SCAMP1: variants seen among roughly 807,000 people sequenced by gnomAD.
SCAMP1 encodes secretory carrier membrane protein 1.
Under a neutral mutation model 41.8 loss-of-function variants are expected in SCAMP1, and 15 were observed. The ratio of observed to expected loss-of-function variants is 0.36; its 90% CI spans 0.24 to 0.55. The LOEUF (loss-of-function observed/expected upper bound fraction) is 0.55, where lower values mean the gene tolerates loss of function less well. SCAMP1 is among the 20% of genes least tolerant of loss of function. The pLI is 0.86. For synonymous variants in SCAMP1, 135 were observed against 136.8 expected (o/e 0.99, Z 0.09); for missense variants, 341 against 412.6 (o/e 0.83, Z 1.50).
rs147772028 is a variant in SCAMP1, at chr5:78,402,403, T to A, written c.136-13117T>A. ...CTTGCCTGCTAGATCGGTCCGTTTCTGATTTGAGGGGTGTTTGAGTCTACA... is the reference window on the plus strand; with the variant it reads ...CTTGCCTGCTAGATCGGTCCGTTTCAGATTTGAGGGGTGTTTGAGTCTACA... On this transcript the variant is annotated intron_variant, in intron 2 of 8. Transcript: ENST00000621999. 3.3e-5 allele frequency among the ~76,000 whole-genome samples: 5 copies of A among 152,294 alleles called. No individual in the cohort carries two copies. The East Asian group carries it at 7.7e-4, about 24-fold the overall frequency.
At chr5:78,468,007 A>T (rs1186889473) in intron 8 of SCAMP1, among the ~76,000 whole-genome samples, 3 of 152,186 alleles carry the variant, frequency 2.0e-5, no homozygotes, top group South Asian at 4.1e-4. Flanking sequence ...TTGACTCTAG[A>T]ATTGTTGGGT....
chr5:78,439,683 A>G lies in SCAMP1; in HGVS notation c.633-10250A>G, dbSNP rs1377503550. On this transcript the variant is annotated intron_variant, in intron 6 of 8. Coordinates refer to ENST00000621999, the MANE Select transcript of SCAMP1 (RefSeq NM_004866.6). ...CATTTCAGCCTTGGTGAATCTGACA[A>G]TAATGTGTCTTGGAGTTGCTCTTCT... 3.3e-5 allele frequency among the ~76,000 whole-genome samples: 5 copies of G among 152,274 alleles called. No homozygotes were observed. In the East Asian group the frequency reaches 9.6e-4, roughly 29 times the overall value.
rs545402584 is a variant in SCAMP1, at chr5:78,363,828, C to T, written c.57+3100C>T. ...ATTCAGTTCATTTTTTTTTGTTGAG[C>T]CCCTGCTTTATATTCTAGTGGTTTT... On this transcript the variant is annotated intron_variant, in intron 1 of 8. Transcript: ENST00000621999. Among the ~76,000 whole-genome samples the T allele has an allele frequency of 4.8e-4, 73 of 151,912 alleles. 1 individual carries two copies. In the South Asian group the frequency reaches 0.012, roughly 25 times the overall value.
At chr5:78,366,015 G>A (rs1750786089) in intron 1 of SCAMP1, among the ~76,000 whole-genome samples, 2 of 152,126 alleles carry the variant, frequency 1.3e-5, no homozygotes, top group South Asian at 4.1e-4. Context: ...AACTCTGGAG[G>A]CTAGGAAGTC....
rs1371706787 is a variant in SCAMP1 at position 78,470,147 on chromosome 5, GTGTAT to G, written c.853-5350_853-5346del. The stretch of plus-strand genomic sequence containing the variant: ...AAAGTATACAATTTAATGGCTTTTG[GTGTAT>G]TGTATTTGTTTTAATTGTGGCAAAA... On this transcript the variant is annotated intron_variant, in intron 8 of 8. Transcript: ENST00000621999. Among the ~76,000 whole-genome samples the G allele has an allele frequency of 3.3e-5, 5 of 152,036 alleles. No individual in the cohort carries two copies. In the East Asian group the frequency reaches 9.7e-4, roughly 29 times the overall value.
chr5:78,363,775 T>G (rs1028954365), intron 1 of SCAMP1, among the ~76,000 whole-genome samples: 7 of 152,236 alleles, frequency 4.6e-5, no homozygotes, highest in Admixed American at 1.3e-4. Context: ...TACTTGATTT[T>G]ATTGGTTCTT....
In SCAMP1 at chr5:78,374,900, C is replaced by G. The variant is rs377491707; in HGVS notation, c.58-13937C>G. 2.6e-5 allele frequency among the ~76,000 whole-genome samples: 4 copies of G among 152,080 alleles called. No homozygotes were observed. In the South Asian group the frequency reaches 8.3e-4, roughly 31 times the overall value. ...AATAATTCCTAGTGATTATTAAGCA[C>G]GTATCACAGTTATAAAAGTTTCGCT... On this transcript the variant is annotated intron_variant, in intron 1 of 8. Coordinates refer to ENST00000621999, the MANE Select transcript of SCAMP1 (RefSeq NM_004866.6).
At chr5:78,460,062 C>G (rs1040264430) in intron 8 of SCAMP1, among the ~76,000 whole-genome samples, 2 of 152,152 alleles carry the variant, frequency 1.3e-5, no homozygotes, top group Non-Finnish European at 2.9e-5. Flanking sequence ...GCAGCTGCAT[C>G]TATGTTGCTA....
At chr5:78,435,915 A>G (rs558856577) in intron 6 of SCAMP1, among the ~76,000 whole-genome samples, 315 of 152,296 alleles carry the variant, frequency 2.1e-3, no homozygotes, top group Non-Finnish European at 3.3e-3. Context: ...AATGATTGCC[A>G]TTCTAACTGG....
intron 2 of SCAMP1, among the ~76,000 whole-genome samples, chr5:78,392,415 A>T: frequency 6.6e-6 from 1 of 152,210 alleles, no homozygotes; most frequent in East Asian, 1.9e-4. Flanking sequence ...ATCTTTGGAG[A>T]TAGTTGCTTA....
intron 6 of SCAMP1, among the ~76,000 whole-genome samples, chr5:78,440,589 C>G (rs1029679111): frequency 2.0e-5 from 3 of 152,274 alleles, no homozygotes; most frequent in Admixed American, 2.0e-4. Context: ...CAGAGGTGCA[C>G]CTGGCCGTAT....
intron 1 of SCAMP1, among the ~76,000 whole-genome samples, chr5:78,374,553 A>G (rs1216788951): frequency 6.6e-6 from 1 of 152,134 alleles, no homozygotes; most frequent in Non-Finnish European, 1.5e-5. Context: ...GTAAGCTAAG[A>G]AACTAGAATT....
intron 6 of SCAMP1, among the ~76,000 whole-genome samples, chr5:78,441,542 G>A (rs546473802): frequency 3.3e-5 from 5 of 152,322 alleles, no homozygotes; most frequent in South Asian, 4.1e-4. Flanking sequence ...GTCAGGGCAC[G>A]CTGGCCCATG....
At chr5:78,459,188 T>A (rs1580713718) in intron 7 of SCAMP1, 57 bp from the exon 8 acceptor site, 3 of 796,772 alleles carry the variant, frequency 3.8e-6, no homozygotes, top group Admixed American at 2.0e-5. Context: ...GATATTATGC[T>A]ATTTTTAAAA....
At position 78,480,351 on chromosome 5, in the gene SCAMP1, AATACC is replaced by A. The variant is rs754305344; in HGVS notation, c.*4688_*4692del. 6.6e-5 allele frequency among the ~76,000 whole-genome samples: 10 copies of A among 152,258 alleles called. No homozygotes were observed. Among genetic ancestry groups the A allele is most frequent in the Non-Finnish European group, 8.8e-5 (6 of 68,038 alleles). On this transcript the variant is annotated 3_prime_UTR_variant, in exon 9 of 9. Coordinates refer to ENST00000621999, the MANE Select transcript of SCAMP1 (RefSeq NM_004866.6). ...TTAAAACAGTTCTAGTTTGTAGAAT[AATACC>A]ATACAAGTTTTATTTTTAAATTCTA...
chr5:78,410,149 G>A (rs1289908387), intron 2 of SCAMP1, among the ~76,000 whole-genome samples: 15 of 150,158 alleles, frequency 1.0e-4, no homozygotes, highest in African/African-American at 3.7e-4. Context: ...TTTAAGTTCT[G>A]GGGTACATGT....
chr5:78,399,748 G>A (rs1022273392), intron 2 of SCAMP1, among the ~76,000 whole-genome samples: 9 of 152,134 alleles, frequency 5.9e-5, no homozygotes, highest in Admixed American at 1.3e-4. Context: ...TGTGGTTTCT[G>A]TTCTCATTCT....
chr5:78,445,333 G>GA (rs1753027567), intron 6 of SCAMP1, among the ~76,000 whole-genome samples: 1 of 152,228 alleles, frequency 6.6e-6, no homozygotes, highest in Non-Finnish European at 1.5e-5. Flanking sequence ...AAAGAGCCAG[G>GA]ATGGCAAGTA....
intron 5 of SCAMP1, 67 bp from the exon 6 acceptor site, chr5:78,421,713 GTATTTTTTTATTTACAATTTT>G: frequency 8.9e-7 from 1 of 1,129,152 alleles, no homozygotes; most frequent in Non-Finnish European, 1.3e-6. Flanking sequence ...CTCTTAGGAA[GTATTTTTTTATTTACAATTTT>G]TTGTTGGATG....
Sources: gnomAD v4.1 joint callset for allele counts (sites outside exome capture counted in the v4.1 genomes callset) on GRCh38, gnomAD v4.1.1 for gene constraint, MANE v1.5 for transcripts, NCBI Gene and HGNC (gene_info 2026-07-23, HGNC 2026-07-21) for gene names.